RAB18: variants seen among roughly 807,000 people sequenced by gnomAD.
The protein encoded by RAB18 is RAB18, member RAS oncogene family, also known as ras-related protein Rab-18.
In RAB18, 10 loss-of-function variants were observed where a neutral mutation model predicts 28.5. That is an observed-to-expected ratio of 0.35 (90% CI 0.22 to 0.60). RAB18 has a LOEUF of 0.60. RAB18 is among the 20% of genes least tolerant of loss of function. The pLI, the probability that RAB18 is intolerant of heterozygous loss-of-function variation, is 0.78. For synonymous variants in RAB18, 93 were observed against 86.9 expected (o/e 1.07, Z -0.39); for missense variants, 188 against 244.2 (o/e 0.77, Z 1.53).
intron 2 of RAB18, among the ~76,000 whole-genome samples, chr10:27,524,026 C>T (rs1366531832): frequency 2.0e-5 from 3 of 151,798 alleles, no homozygotes; most frequent in Admixed American, 2.0e-4. Context: ...TTGCAGTGAG[C>T]CAAGATCACT....
intron 2 of RAB18, among the ~76,000 whole-genome samples, chr10:27,512,015 C>G (rs566208040): frequency 3.3e-5 from 5 of 150,748 alleles, no homozygotes; most frequent in African/African-American, 9.8e-5. Context: ...GCCTGAGACT[C>G]CTGGGCTCAA....
rs1376093142 is a variant in RAB18 at position 27,540,571 on chromosome 10, A to C, written c.*2520A>C. The C allele has an allele frequency of 1.5e-5, 7 of 454,016 alleles. No homozygotes were observed. Among genetic ancestry groups the C allele is most frequent in the African/African-American group, 1.4e-4 (7 of 50,024 alleles). 28.1% of individuals were successfully genotyped at this position (454,016 alleles called of 1,614,324 possible). The stretch of plus-strand genomic sequence containing the variant: ...CCTACCTCATAAGTCATGTGACATA[A>C]AAGTTAAGGTAGTGGAGTAGGTGGT... On this transcript the variant is annotated 3_prime_UTR_variant, in exon 7 of 7. Coordinates refer to ENST00000356940, the MANE Select transcript of RAB18 (RefSeq NM_021252.5).
intron 2 of RAB18, among the ~76,000 whole-genome samples, chr10:27,515,348 TA>T (rs1030903834): frequency 2.6e-5 from 4 of 152,150 alleles, no homozygotes; most frequent in Non-Finnish European, 5.9e-5. Context: ...CTTTTGACTA[TA>T]AAAAGGGTGC....
chr10:27,530,387 C>T (rs937808120), intron 3 of RAB18, among the ~76,000 whole-genome samples: 7 of 151,232 alleles, frequency 4.6e-5, no homozygotes, highest in African/African-American at 1.7e-4. Context: ...GTTCCAAATC[C>T]AAGGCTTGTC....
At chr10:27,509,783 T>C (rs748457689) in intron 1 of RAB18, 92 bp from the exon 2 acceptor site, 38 of 1,021,402 alleles carry the variant, frequency 3.7e-5, no homozygotes, top group Non-Finnish European at 5.0e-5. Flanking sequence ...TTTATCTGCA[T>C]CTAATAATTT....
intron 2 of RAB18, among the ~76,000 whole-genome samples, chr10:27,517,473 A>T (rs551237919): frequency 6.6e-6 from 1 of 152,356 alleles, no homozygotes; most frequent in African/African-American, 2.4e-5. Flanking sequence ...GAATTGGACT[A>T]ACAAAATCAG....
rs939793191 is a variant in RAB18 at position 27,535,951 on chromosome 10, C to T, written c.446-1925C>T. On this transcript the variant is annotated intron_variant, in intron 6 of 6. Coordinates refer to ENST00000356940, the MANE Select transcript of RAB18 (RefSeq NM_021252.5). ...ACAAAAAATTCACCGGGCGTGGTGG[C>T]GGGTGCCTGTAGTCCCAGCTACTTG... Among the ~76,000 whole-genome samples the T allele has an allele frequency of 3.9e-5, 6 of 151,988 alleles. No homozygotes were observed. The South Asian group carries it at 6.2e-4, about 16-fold the overall frequency.
Position 27,538,741 on chromosome 10 carries a change from A to G in RAB18, c.*690A>G, listed in dbSNP as rs567115560. The G allele has an allele frequency of 1.1e-5, 5 of 454,120 alleles. No individual in the cohort carries two copies. The highest frequency in any genetic ancestry group is 7.8e-5 in the South Asian group (5 of 64,478). The allele number at this position is 454,120 out of a possible 1,614,324, so 28.1% of individuals were successfully genotyped here. ...ATGTACATTGGATTCATGACTGTGC[A>G]GCATTTTTAGTTATGTGGTGTTTGG... On this transcript the variant is annotated 3_prime_UTR_variant, in exon 7 of 7. Transcript: ENST00000356940.
Position 27,517,520 on chromosome 10 carries a change from C to T in RAB18, c.124+7590C>T, listed in dbSNP as rs549114355. Among the ~76,000 whole-genome samples, 14 of 152,144 alleles carry T rather than the reference C, an allele frequency of 9.2e-5. No homozygotes were observed. The South Asian group carries it at 1.5e-3, about 16-fold the overall frequency. ...AATAAAGACCTCACTACTTTAAAAG[C>T]CCATGGAACAATTATACAGAATCAA... On this transcript the variant is annotated intron_variant, in intron 2 of 6. Coordinates refer to ENST00000356940, the MANE Select transcript of RAB18 (RefSeq NM_021252.5).
chr10:27,515,069 A>G (rs1834408088), intron 2 of RAB18, among the ~76,000 whole-genome samples: 1 of 152,148 alleles, frequency 6.6e-6, no homozygotes, highest in African/African-American at 2.4e-5. Context: ...TCAGCCTGCA[A>G]AAATATCTCG....
intron 3 of RAB18, among the ~76,000 whole-genome samples, chr10:27,528,097 T>G (rs1458950625): frequency 6.6e-6 from 1 of 152,142 alleles, no homozygotes; most frequent in Non-Finnish European, 1.5e-5. Flanking sequence ...TTCCATATGC[T>G]TTTCATGGTT....
rs948595903 is a variant in RAB18, at chr10:27,526,975, G to A, written c.186+86G>A. ...TTGATTTGTGTAGTGTTCTAGAGGT[G>A]GTGAATGAACAATTTGTATTAAATA... On this transcript the variant is annotated intron_variant, in intron 3 of 6. Transcript: ENST00000356940. 8.2e-6 allele frequency: 11 copies of A among 1,341,244 alleles called. No individual in the cohort carries two copies. In the African/African-American group the frequency reaches 1.2e-4, roughly 14 times the overall value. The allele number at this position is 1,341,244 out of a possible 1,614,324, so 83.1% of individuals were successfully genotyped here. A position where few individuals can be genotyped will look rare whatever the true frequency, so the allele number is the denominator to read the frequency against.
intron 3 of RAB18, among the ~76,000 whole-genome samples, chr10:27,528,486 T>C (rs1254763903): frequency 6.6e-6 from 1 of 152,098 alleles, no homozygotes; most frequent in African/African-American, 2.4e-5. Context: ...TACATACCAG[T>C]ATGTGAGTTT....
intron 1 of RAB18, among the ~76,000 whole-genome samples, chr10:27,507,547 T>C (rs1176062092): frequency 3.7e-4 from 25 of 67,636 alleles, no homozygotes; most frequent in East Asian, 2.0e-3. Context: ...TTGCCTTCCC[T>C]TTTTTTTTTT....
rs1399539841 is a variant in RAB18, at chr10:27,541,415, G to A, written c.*3364G>A. ...TCATGCTGGAGGACTACTGTGATGG[G>A]GCTTTACATTTTACTGTTTTGTTGC... On this transcript the variant is annotated 3_prime_UTR_variant, in exon 7 of 7. Coordinates refer to ENST00000356940, the MANE Select transcript of RAB18 (RefSeq NM_021252.5). The A allele has an allele frequency of 4.4e-6, 2 of 453,394 alleles. No homozygotes were observed. The highest frequency in any genetic ancestry group is 4.7e-5 in the Admixed American group (2 of 42,498). The allele number at this position is 453,394 out of a possible 1,614,324, so 28.1% of individuals were successfully genotyped here.
rs1341727550 is a variant in RAB18, at chr10:27,540,265, T to A, written c.*2214T>A. 1 of 454,050 alleles carries A rather than the reference T, an allele frequency of 2.2e-6. No individual in the cohort carries two copies. The highest frequency in any genetic ancestry group is 6.9e-5 in the East Asian group (1 of 14,392). 28.1% of individuals were successfully genotyped at this position (454,050 alleles called of 1,614,324 possible). On this transcript the variant is annotated 3_prime_UTR_variant, in exon 7 of 7. Transcript: ENST00000356940. ...CAACCTTAAGAGATTAGTACTCCTA[T>A]TATGCCCATTTTAAAGGTGAGGACA...
chr10:27,536,854 G>C (rs1455478708), intron 6 of RAB18, among the ~76,000 whole-genome samples: 2 of 152,160 alleles, frequency 1.3e-5, no homozygotes, highest in Admixed American at 1.3e-4. Flanking sequence ...AGCCTAATTA[G>C]AGTAGTTTGA....
intron 2 of RAB18, among the ~76,000 whole-genome samples, chr10:27,521,489 T>G (rs893468249): frequency 2.6e-5 from 4 of 152,170 alleles, no homozygotes; most frequent in African/African-American, 9.7e-5. Context: ...AAATGTGGCA[T>G]ATGCATACCA....
Position 27,541,540 on chromosome 10 carries a change from A to G in RAB18, c.*3489A>G, listed in dbSNP as rs1404911050. On this transcript the variant is annotated 3_prime_UTR_variant, in exon 7 of 7. Transcript: ENST00000356940. The stretch of plus-strand genomic sequence containing the variant: ...TTAAAGCTGTTCAATGAATGTAAGC[A>G]CACACACACCTACACACATATTTTG... 4.4e-6 allele frequency: 2 copies of G among 452,054 alleles called. No individual in the cohort carries two copies. The highest frequency in any genetic ancestry group is 4.7e-5 in the Admixed American group (2 of 42,466). 28.0% of individuals were successfully genotyped at this position (452,054 alleles called of 1,614,324 possible).
Sources: gnomAD v4.1 joint callset for allele counts (sites outside exome capture counted in the v4.1 genomes callset) on GRCh38, gnomAD v4.1.1 for gene constraint, MANE v1.5 for transcripts, NCBI Gene and HGNC (gene_info 2026-07-23, HGNC 2026-07-21) for gene names.